Variants in ROBO1 observed in about 807,000 individuals in gnomAD.
The protein encoded by ROBO1 is roundabout guidance receptor 1, also known as roundabout homolog 1.
ROBO1 carries 149 observed loss-of-function variants against 195.9 expected under a neutral mutation model. The ratio of observed to expected loss-of-function variants is 0.76; its 90% CI spans 0.67 to 0.87. ROBO1 has a LOEUF of 0.87. ROBO1 is among the 40% of genes least tolerant of loss of function. The pLI, the probability that ROBO1 is intolerant of heterozygous loss-of-function variation, is 0.00. For synonymous variants in ROBO1, 816 were observed against 733.2 expected (o/e 1.11, Z -1.82); for missense variants, 1,933 against 2,068.3 (o/e 0.93, Z 1.27).
At chr3:78,777,059 T>C (rs913065387) in intron 4 of ROBO1, among the ~76,000 whole-genome samples, 2 of 152,140 alleles carry the variant, frequency 1.3e-5, no homozygotes, top group East Asian at 1.9e-4. Context: ...ATTAACTCCA[T>C]TGGGTATTTG....
At chr3:79,446,510 G>A (rs2039261681) in intron 2 of ROBO1, among the ~76,000 whole-genome samples, 2 of 152,122 alleles carry the variant, frequency 1.3e-5, no homozygotes, top group South Asian at 4.1e-4. Context: ...GCTTATAATA[G>A]ATAGGTACAA....
intron 26 of ROBO1, among the ~76,000 whole-genome samples, chr3:78,620,846 A>G (rs1704408266): frequency 6.7e-6 from 1 of 149,660 alleles, no homozygotes; most frequent in African/African-American, 2.5e-5. Context: ...ATGACCTTCC[A>G]CACACATATA....
chr3:78,924,394 T>C (rs1371444296), intron 4 of ROBO1, among the ~76,000 whole-genome samples: 2 of 152,106 alleles, frequency 1.3e-5, no homozygotes, highest in African/African-American at 2.4e-5. Context: ...ATCACAGTCA[T>C]TGTAGCATTT....
At chr3:79,593,357 G>A (rs1944064825) in intron 1 of ROBO1, among the ~76,000 whole-genome samples, 1 of 152,036 alleles carries the variant, frequency 6.6e-6, no homozygotes, top group Admixed American at 6.6e-5. Flanking sequence ...AGTTGTTACA[G>A]CATTTGTCTT....
chr3:79,645,213 G>A (rs1945782893), intron 1 of ROBO1, among the ~76,000 whole-genome samples: 1 of 151,986 alleles, frequency 6.6e-6, no homozygotes, highest in Non-Finnish European at 1.5e-5. Context: ...ATAACAATCA[G>A]AGTAGAGGCT....
At chr3:79,581,343 G>A (rs76681443) in intron 2 of ROBO1, among the ~76,000 whole-genome samples, 112 of 152,158 alleles carry the variant, frequency 7.4e-4, no homozygotes, top group African/African-American at 2.5e-3. Context: ...TAGGTGGACC[G>A]TGTGGCACGT....
At chr3:79,077,147 T>C (rs1160483434) in intron 3 of ROBO1, among the ~76,000 whole-genome samples, 3 of 151,920 alleles carry the variant, frequency 2.0e-5, no homozygotes, top group African/African-American at 7.2e-5. Flanking sequence ...AACTTGTTCA[T>C]CTTATAACGG....
chr3:78,851,103 C>T (rs909484714), intron 4 of ROBO1, among the ~76,000 whole-genome samples: 8 of 152,086 alleles, frequency 5.3e-5, no homozygotes, highest in Non-Finnish European at 1.2e-4. Context: ...CCACCACGCC[C>T]GGTCACACCT....
At chr3:79,117,748 T>C (rs1427007206) in intron 3 of ROBO1, among the ~76,000 whole-genome samples, 1 of 152,214 alleles carries the variant, frequency 6.6e-6, no homozygotes, top group Non-Finnish European at 1.5e-5. Context: ...GACACATACG[T>C]ACTTTTCACT....
chr3:79,587,365 T>C (rs1255191870), intron 2 of ROBO1, among the ~76,000 whole-genome samples: 1 of 151,842 alleles, frequency 6.6e-6, no homozygotes, highest in Non-Finnish European at 1.5e-5. Flanking sequence ...ATAACTGGCA[T>C]TGAGCCAATG....
chr3:79,320,354 G>C (rs1465978954), intron 2 of ROBO1, among the ~76,000 whole-genome samples: 1 of 152,072 alleles, frequency 6.6e-6, no homozygotes, highest in Non-Finnish European at 1.5e-5. Context: ...TTTGTTTCAG[G>C]GTCTCATTCT....
At chr3:79,605,013 TTTCTC>T (rs1241266265) in intron 1 of ROBO1, among the ~76,000 whole-genome samples, 7 of 152,080 alleles carry the variant, frequency 4.6e-5, no homozygotes, top group South Asian at 4.1e-4. Context: ...ATTACCATAA[TTTCTC>T]TTCTCTTTTC....
At chr3:78,963,010 AGGCACTCGGTGT>A (rs1304950311) in intron 3 of ROBO1, among the ~76,000 whole-genome samples, 1 of 151,732 alleles carries the variant, frequency 6.6e-6, no homozygotes, top group East Asian at 1.9e-4. Flanking sequence ...ACAGCAATGC[AGGCACTCGGTGT>A]TGAGCATGGA....
At chr3:78,747,333 GAA>G (rs1333236537) in intron 4 of ROBO1, among the ~76,000 whole-genome samples, 1 of 151,372 alleles carries the variant, frequency 6.6e-6, no homozygotes, top group Non-Finnish European at 1.5e-5. Flanking sequence ...AATATTAAAA[GAA>G]AAAAATAAGA....
At chr3:78,722,288 T>G (rs1013928754) in intron 5 of ROBO1, among the ~76,000 whole-genome samples, 1 of 152,260 alleles carries the variant, frequency 6.6e-6, no homozygotes, top group Non-Finnish European at 1.5e-5. Context: ...CCACCAGGCA[T>G]TTTACAAATA....
chr3:79,225,859 T>C (rs756336984), intron 2 of ROBO1, among the ~76,000 whole-genome samples: 7 of 152,144 alleles, frequency 4.6e-5, no homozygotes, highest in Non-Finnish European at 8.8e-5. Context: ...CTGGGACCAT[T>C]AATTACTCTC....
intron 4 of ROBO1, among the ~76,000 whole-genome samples, chr3:78,775,363 C>T (rs1244912485): frequency 1.3e-5 from 2 of 152,176 alleles, no homozygotes; most frequent in Non-Finnish European, 2.9e-5. Context: ...TGCTTTTCTA[C>T]ACTCATTCCT....
chr3:79,018,512 A>G (rs886463928), intron 3 of ROBO1: 1 of 1,610,256 alleles, frequency 6.2e-7, no homozygotes, highest in African/African-American at 1.3e-5. Context: ...GAGGGAGTGG[A>G]AATAGGGTCC....
chr3:79,025,714 A>C (rs2078191474), intron 3 of ROBO1, among the ~76,000 whole-genome samples: 1 of 152,184 alleles, frequency 6.6e-6, no homozygotes, highest in South Asian at 2.1e-4. Flanking sequence ...CAAAGTTCTG[A>C]TTAAATAAGC....
Sources: gnomAD v4.1 joint callset for allele counts (sites outside exome capture counted in the v4.1 genomes callset) on GRCh38, gnomAD v4.1.1 for gene constraint, MANE v1.5 for transcripts, NCBI Gene and HGNC (gene_info 2026-07-23, HGNC 2026-07-21) for gene names.